Variants in NAALADL2 observed in about 807,000 individuals in gnomAD.
The protein encoded by NAALADL2 is inactive N-acetylated-alpha-linked acidic dipeptidase-like protein 2.
In NAALADL2, 76 loss-of-function variants were observed where a neutral mutation model predicts 87.2. The ratio of observed to expected loss-of-function variants is 0.87; its 90% confidence interval spans 0.72 to 1.05. NAALADL2 has a LOEUF of 1.05. NAALADL2 is among the 50% of genes least tolerant of loss of function. The probability of loss-of-function intolerance (pLI) is 0.00; values close to 1 mark genes in which losing one functional copy is unlikely to be tolerated. For missense variants in NAALADL2, 1,089 were observed against 945.8 expected, an observed-to-expected ratio of 1.15 and a Z score of -1.99; for synonymous variants, 354 against 331.0, an observed-to-expected ratio of 1.07 and a Z score of -0.75.
intron 3 of NAALADL2, among the ~76,000 whole-genome samples, chr3:174,773,233 T>C (rs1714800970): frequency 6.6e-6 from 1 of 152,012 alleles, no homozygotes; most frequent in African/African-American, 2.4e-5. Flanking sequence ...AGTATAGAAA[T>C]AGAGAGGAGA....
At chr3:175,284,695 A>C (rs952677114) in intron 4 of NAALADL2, among the ~76,000 whole-genome samples, 3 of 152,170 alleles carry the variant, frequency 2.0e-5, no homozygotes, top group Non-Finnish European at 4.4e-5. Flanking sequence ...AAAAGAAATT[A>C]AAATAATAAT....
At position 175,108,443 on chromosome 3, in the gene NAALADL2, G is replaced by A. The variant is rs184997220; in HGVS notation, c.545+11152G>A. On this transcript the variant is annotated intron_variant, in intron 2 of 13. Transcript: ENST00000454872. The stretch of plus-strand genomic sequence containing the variant: ...AAAGAAGCAGTTCCAATTCTATGGA[G>A]TACATTTGTATCTGTGAGAATAAAA... Among the ~76,000 whole-genome samples the A allele has an allele frequency of 3.7e-3, 570 of 152,068 alleles. 1 individual carries two copies. Among genetic ancestry groups the A allele is most frequent in the Non-Finnish European group, 5.7e-3 (387 of 67,946 alleles).
chr3:174,928,559 A>G (rs1736428486), intron 1 of NAALADL2, among the ~76,000 whole-genome samples: 1 of 152,200 alleles, frequency 6.6e-6, no homozygotes. Context: ...TATTTGTAAC[A>G]ATGTAATCAT....
chr3:175,173,151 G>A (rs1373953854), intron 2 of NAALADL2, among the ~76,000 whole-genome samples: 1 of 151,888 alleles, frequency 6.6e-6, no homozygotes, highest in Admixed American at 6.6e-5. Context: ...AATTAGCGGG[G>A]TGTGGTGGCA....
At chr3:174,491,182 C>A (rs920977120) in intron 1 of NAALADL2, among the ~76,000 whole-genome samples, 1 of 152,050 alleles carries the variant, frequency 6.6e-6, no homozygotes, top group Non-Finnish European at 1.5e-5. Context: ...ATCACCATGA[C>A]CTGTATTAAT....
intron 1 of NAALADL2, among the ~76,000 whole-genome samples, chr3:175,036,100 G>C (rs1183006187): frequency 6.6e-6 from 1 of 152,102 alleles, no homozygotes; most frequent in Non-Finnish European, 1.5e-5. Flanking sequence ...TTTATGGTAA[G>C]ATACACTAGT....
At position 175,471,293 on chromosome 3, in the gene NAALADL2, C is replaced by G. The variant is rs977574530; in HGVS notation, c.1534-346C>G. On this transcript the variant is annotated intron_variant, in intron 8 of 13. Transcript: ENST00000454872. ...GAGGTCAGGAGATCAAGACCATCCT[C>G]GCTAACATGGTGAAACCCTGTCTCT... 2.8e-4 allele frequency among the ~76,000 whole-genome samples: 42 copies of G among 151,518 alleles called. 4 individuals are homozygous for G. The highest frequency in any genetic ancestry group is 1.3e-3 in the Admixed American group (20 of 15,202).
intron 2 of NAALADL2, among the ~76,000 whole-genome samples, chr3:175,119,058 C>T (rs2862042): frequency 0.6 from 90,018 of 149,818 alleles, 27,253 homozygotes; most frequent in African/African-American, 0.72. Context: ...TGCATTTATA[C>T]GTTTTTTTTT....
chr3:175,507,901 T>C (rs1730576257), intron 9 of NAALADL2, among the ~76,000 whole-genome samples: 1 of 152,164 alleles, frequency 6.6e-6, no homozygotes, highest in Non-Finnish European at 1.5e-5. Flanking sequence ...TGCATTGATA[T>C]AAAGAAATAC....
intron 6 of NAALADL2, among the ~76,000 whole-genome samples, chr3:175,462,593 A>G (rs941322049): frequency 6.6e-6 from 1 of 152,102 alleles, no homozygotes; most frequent in African/African-American, 2.4e-5. Context: ...ACACCTGGCT[A>G]CTCTTAAACC....
chr3:175,781,700 C>T (rs980998834), intron 13 of NAALADL2, among the ~76,000 whole-genome samples: 44 of 147,480 alleles, frequency 3.0e-4, no homozygotes, highest in African/African-American at 9.0e-4. Context: ...ATTAACATAA[C>T]GCTTTTATTT....
chr3:175,457,796 C>T (rs1050154744), intron 6 of NAALADL2, among the ~76,000 whole-genome samples: 2 of 151,610 alleles, frequency 1.3e-5, no homozygotes, highest in Non-Finnish European at 2.9e-5. Context: ...AGGCATGAGC[C>T]ACCACTTCCA....
At chr3:175,467,713 C>T (rs1724293444) in intron 8 of NAALADL2, among the ~76,000 whole-genome samples, 1 of 152,090 alleles carries the variant, frequency 6.6e-6, no homozygotes, top group Non-Finnish European at 1.5e-5. Flanking sequence ...TGTCTCCTAC[C>T]TGCCTATCTA....
chr3:174,988,491 G>A lies in NAALADL2; in HGVS notation c.44-108299G>A, dbSNP rs1264258363. 3.9e-5 allele frequency among the ~76,000 whole-genome samples: 6 copies of A among 152,152 alleles called. No homozygotes were observed. The East Asian group carries it at 1.2e-3, about 29-fold the overall frequency. On this transcript the variant is annotated intron_variant, in intron 1 of 13. Transcript: ENST00000454872. ...AAATAATCATTCAGCCAATGTATTA[G>A]TTTTCTGGTCTGCCACAACCACATG... is the stretch of plus-strand genomic sequence containing the variant.
At chr3:175,290,325 T>C (rs1056064057) in intron 4 of NAALADL2, among the ~76,000 whole-genome samples, 1 of 152,194 alleles carries the variant, frequency 6.6e-6, no homozygotes, top group Admixed American at 6.5e-5. Flanking sequence ...GGAATGTGAA[T>C]GAAAATGAGA....
chr3:174,957,670 C>CT (rs1210273895), intron 1 of NAALADL2, among the ~76,000 whole-genome samples: 1 of 151,264 alleles, frequency 6.6e-6, no homozygotes, highest in Admixed American at 6.6e-5. Context: ...ATATTTGCCT[C>CT]TTTGATTTAT....
chr3:175,574,665 C>T (rs529611504), intron 9 of NAALADL2, among the ~76,000 whole-genome samples: 3 of 152,230 alleles, frequency 2.0e-5, no homozygotes, highest in African/African-American at 7.2e-5. Context: ...CTAGTAAGTC[C>T]ACTTGCTTCT....
intron 3 of NAALADL2, among the ~76,000 whole-genome samples, chr3:174,754,219 A>C (rs563983921): frequency 1.3e-5 from 2 of 152,106 alleles, no homozygotes; most frequent in Non-Finnish European, 2.9e-5. Flanking sequence ...AAATACTAAG[A>C]AAATATTTTT....
chr3:174,811,503 C>G (rs771698446), intron 3 of NAALADL2, among the ~76,000 whole-genome samples: 2 of 152,192 alleles, frequency 1.3e-5, no homozygotes, highest in African/African-American at 4.8e-5. Flanking sequence ...ATGGGGCATG[C>G]AACCCTTAAC....
Sources: gnomAD v4.1 joint callset for allele counts (sites outside exome capture counted in the v4.1 genomes callset) on GRCh38, gnomAD v4.1.1 for gene constraint, MANE v1.5 for transcripts, NCBI Gene and HGNC (gene_info 2026-07-23, HGNC 2026-07-21) for gene names.